The following TRPM2 variants were observed in gnomAD, a reference collection of about 807,000 sequenced individuals.
TRPM2 encodes estrogen-responsive element-associated gene 1 protein.
TRPM2 carries 161 observed loss-of-function variants against 174.0 expected under a neutral mutation model. That is an observed-to-expected ratio of 0.93 (90% CI 0.81 to 1.05). The LOEUF is 1.05. Ranked by LOEUF, TRPM2 falls within the 50% of genes least tolerant of loss-of-function variation. The probability of loss-of-function intolerance (pLI) is 0.00; values close to 1 mark genes in which losing one functional copy is unlikely to be tolerated. For missense variants in TRPM2, 2,057 were observed against 2,038.0 expected, an observed-to-expected ratio of 1.01 and a Z score of -0.18; for synonymous variants, 954 against 861.3, an observed-to-expected ratio of 1.11 and a Z score of -1.88.
Position 44,442,010 on chromosome 21 carries a change from G to A in TRPM2, c.*193G>A. 1 of 826,268 alleles carries A rather than the reference G, an allele frequency of 1.2e-6. No homozygotes were observed. 51.2% of individuals were successfully genotyped at this position (826,268 alleles called of 1,614,324 possible). ...CTCATGAACTGGAAGGGGTCAAGGTGACCCGGGAGGAGAGCTCAAGACAGG... is the reference window on the plus strand; with the variant it reads ...CTCATGAACTGGAAGGGGTCAAGGTAACCCGGGAGGAGAGCTCAAGACAGG... On this transcript the variant is annotated 3_prime_UTR_variant, in exon 32 of 32. Coordinates refer to ENST00000397928, the MANE Select transcript of TRPM2 (RefSeq NM_003307.4).
In TRPM2 at chr21:44,423,640, T is replaced by C; in HGVS notation, c.3462-5T>C. The C allele has an allele frequency of 1.2e-6, 2 of 1,611,790 alleles. No individual in the cohort carries two copies. Among genetic ancestry groups the C allele is most frequent in the Non-Finnish European group, 1.7e-6 (2 of 1,179,466 alleles). On this transcript the variant is annotated splice_polypyrimidine_tract_variant and splice_region_variant and intron_variant, in intron 22 of 31. Coordinates refer to ENST00000397928, the MANE Select transcript of TRPM2 (RefSeq NM_003307.4). ...TGCGTCCAGCTCAGCTGCTTCCTCT[T>C]TCAGGGTTGACGCCATGGTGGACCT...
chr21:44,402,196 C>T (rs1311885141), intron 16 of TRPM2, among the ~76,000 whole-genome samples: 4 of 152,182 alleles, frequency 2.6e-5, no homozygotes, highest in African/African-American at 9.6e-5. Flanking sequence ...ATGAGTATGT[C>T]CCTTCCCCCA....
chr21:44,370,370 C>G (rs763981664), intron 5 of TRPM2, among the ~76,000 whole-genome samples: 2 of 152,180 alleles, frequency 1.3e-5, no homozygotes, highest in Non-Finnish European at 1.5e-5. Flanking sequence ...AGGTTGAGGA[C>G]GGAGCACTCC....
Position 44,424,785 on chromosome 21 carries a change from GGCA to G in TRPM2, c.3550-65_3550-63del. 5 of 1,065,396 alleles carry G rather than the reference GGCA, an allele frequency of 4.7e-6. No individual in the cohort carries two copies. In the South Asian group the frequency reaches 5.6e-5, roughly 12 times the overall value. The allele number at this position is 1,065,396 out of a possible 1,614,324, so 66.0% of individuals were successfully genotyped here. On this transcript the variant is annotated intron_variant, in intron 23 of 31. Coordinates refer to ENST00000397928, the MANE Select transcript of TRPM2 (RefSeq NM_003307.4). ...TGGCTGGGGGAGTGAAGTCTCGGTG[GGCA>G]GTGGGGTGTGTACCATGCGTGTGGG...
intron 3 of TRPM2, among the ~76,000 whole-genome samples, chr21:44,365,510 T>A (rs1775416321): frequency 6.6e-6 from 1 of 152,198 alleles, no homozygotes; most frequent in Non-Finnish European, 1.5e-5. Flanking sequence ...GACCCCTCTG[T>A]CGCTGTGGTC....
chr21:44,418,460 A>C lies in TRPM2; in HGVS notation c.3366A>C (p.Leu1122=), dbSNP rs2050394555. The part of the protein sequence containing the change: ...KLEKNEEAAL[L]SWEIYLKENY... Reference sequence around the variant, plus strand: ...AGAAGAACGAGGAGGCGGCCCTGCTATCCTGGGAGATCTACCTGAAGGAGA... The same window carrying C: ...AGAAGAACGAGGAGGCGGCCCTGCTCTCCTGGGAGATCTACCTGAAGGAGA... The change falls in exon 22 of 32, where the codon CTA becomes CTC. Residue 1122 remains leucine, a synonymous_variant. Coordinates refer to ENST00000397928, the MANE Select transcript of TRPM2 (RefSeq NM_003307.4). 1 of 1,614,058 alleles carries C rather than the reference A, an allele frequency of 6.2e-7. No homozygotes were observed. The highest frequency in any genetic ancestry group is 8.5e-7 in the Non-Finnish European group (1 of 1,179,992).
intron 16 of TRPM2, among the ~76,000 whole-genome samples, chr21:44,403,963 TACAC>T (rs56651556): frequency 0.71 from 107,397 of 150,812 alleles, 38,545 homozygotes; most frequent in East Asian, 0.77. Flanking sequence ...CACACATACA[TACAC>T]ACATGCACAT....
intron 9 of TRPM2, among the ~76,000 whole-genome samples, chr21:44,388,043 A>G (rs1268356697): frequency 6.6e-6 from 1 of 152,184 alleles, no homozygotes; most frequent in African/African-American, 2.4e-5. Flanking sequence ...CACTCCTCAG[A>G]TACATATGCC....
chr21:44,435,450 C>A (rs1017028193), intron 28 of TRPM2, among the ~76,000 whole-genome samples: 2 of 152,018 alleles, frequency 1.3e-5, no homozygotes, highest in African/African-American at 4.8e-5. Context: ...GACCCATCCC[C>A]TCTCCCGGGG....
In TRPM2 at chr21:44,395,459, CATGTG is replaced by C; in HGVS notation, c.1842_1846del (p.Val615LeufsTer8). ...GTCCCTCTACAAGCGTTCCTCAGGC[CATGTG>C]ACCTTCACCATGGACCCCATCCGTG... is the stretch of plus-strand genomic sequence containing the variant. On this transcript the variant is annotated frameshift_variant, in exon 12 of 32. Transcript: ENST00000397928. LOFTEE classifies it high-confidence loss of function. The C allele has an allele frequency of 6.2e-7, 1 of 1,613,006 alleles. No homozygotes were observed. The highest frequency in any genetic ancestry group is 8.5e-7 in the Non-Finnish European group (1 of 1,179,972).
chr21:44,355,232 C>T (rs549398689), intron 2 of TRPM2, among the ~76,000 whole-genome samples: 7 of 152,022 alleles, frequency 4.6e-5, no homozygotes, highest in Admixed American at 6.5e-5. Context: ...ACAGAGCCCA[C>T]GACTCAGGTG....
Position 44,427,096 on chromosome 21 carries a change from A to G in TRPM2, c.3959A>G (p.Gln1320Arg), listed in dbSNP as rs1044915804. 6.3e-7 allele frequency: 1 copy of G among 1,596,868 alleles called. No individual in the cohort carries two copies. Among genetic ancestry groups the G allele is most frequent in the East Asian group, 2.3e-5 (1 of 44,226 alleles). Residue 1320 changes from glutamine (Q) to arginine (R), a missense_variant, in exon 27 of 32, where the codon CAG becomes CGG. Coordinates refer to ENST00000397928, the MANE Select transcript of TRPM2 (RefSeq NM_003307.4). ...AGCTTCCACGGGCCGTACACAGTGC[A>G]GGCCGGGTTGCCCCTGTGAGTGTGC... Reference protein sequence around the residue: ...RRSFHGPYTVQAGLPLNPMGR... With the variant: ...RRSFHGPYTVRAGLPLNPMGR...
At position 44,376,824 on chromosome 21, in the gene TRPM2, G is replaced by T. The variant is rs1482960424; in HGVS notation, c.952+811G>T. Among the ~76,000 whole-genome samples the T allele has an allele frequency of 6.6e-6, 1 of 152,216 alleles. No individual in the cohort carries two copies. Among genetic ancestry groups the T allele is most frequent in the Admixed American group, 6.5e-5 (1 of 15,290 alleles). ...CCCCTGGAGGGTTCCTCACCAGCTT[G>T]TGGGCCCCAGCCCCAGGGTCCAACT... On this transcript the variant is annotated intron_variant, in intron 6 of 31. Coordinates refer to ENST00000397928, the MANE Select transcript of TRPM2 (RefSeq NM_003307.4). This position sits in a 1 kb window ranked among gnomAD's most constrained non-coding sequence, Gnocchi z 4.2.
At chr21:44,353,989 C>G in intron 1 of TRPM2, 124 bp downstream of exon 1, 1 of 1,158,484 alleles carries the variant, frequency 8.6e-7, no homozygotes, top group Non-Finnish European at 1.2e-6. Context: ...GGGGCTCCTG[C>G]CCAACCATAC....
chr21:44,402,117 G>A (rs1186469823), intron 16 of TRPM2, among the ~76,000 whole-genome samples: 2 of 152,002 alleles, frequency 1.3e-5, no homozygotes, highest in African/African-American at 2.4e-5. Context: ...GCTTTCCCTC[G>A]GCCCAGGCAT....
intron 8 of TRPM2, among the ~76,000 whole-genome samples, chr21:44,379,705 G>A (rs17004644): frequency 0.023 from 3,552 of 152,334 alleles, 136 homozygotes; most frequent in African/African-American, 0.081. Flanking sequence ...TCCAGAGGGG[G>A]TCCGTTGTGA....
rs775687455 is a variant in TRPM2, at chr21:44,382,747, G to T, written c.1245G>T (p.Leu415=). The T allele has an allele frequency of 6.8e-6, 11 of 1,614,014 alleles. No homozygotes were observed. In the African/African-American group the frequency reaches 1.3e-4, roughly 20 times the overall value. Reference sequence around the variant, plus strand: ...AAGATATCGTCCGGAGGCGGCAGCTGCTGACTGTCTTCCGGGAAGGCAAGG... The same window carrying T: ...AAGATATCGTCCGGAGGCGGCAGCTTCTGACTGTCTTCCGGGAAGGCAAGG... ...KIQDIVRRRQ[L]LTVFREGKDG... is the part of the protein sequence containing the mutation. The change falls in exon 9 of 32, where the codon CTG becomes CTT. Residue 415 remains leucine (L), a synonymous_variant. Transcript: ENST00000397928.
chr21:44,439,116 T>A lies in TRPM2; in HGVS notation c.4217T>A (p.Leu1406His), dbSNP rs945436664. 1.2e-6 allele frequency: 2 copies of A among 1,613,606 alleles called. No homozygotes were observed. Among genetic ancestry groups the A allele is most frequent in the Admixed American group, 3.3e-5 (2 of 59,988 alleles). Residue 1406 changes from leucine (L) to histidine (H), a missense_variant, in exon 30 of 32, where the codon CTC becomes CAC. Coordinates refer to ENST00000397928, the MANE Select transcript of TRPM2 (RefSeq NM_003307.4). This position sits in a 1 kb window ranked among gnomAD's most constrained non-coding sequence, Gnocchi z 5.1. ...EMLPRKLKRI[L>H]RQEHWPSFEN... ...CTACCTCGGAAGCTGAAGCGGATCC[T>A]CCGGCAGGAGCACTGGCCGTCTTTT...
At chr21:44,352,056 G>A (rs1245150070), upstream of TRPM2, among the ~76,000 whole-genome samples, 1 of 152,244 alleles carries the variant, frequency 6.6e-6, no homozygotes, top group Non-Finnish European at 1.5e-5. Context: ...GCCACCTGCA[G>A]TCTGGGTCCC....
Sources: gnomAD v4.1 joint callset for allele counts (sites outside exome capture counted in the v4.1 genomes callset) on GRCh38, gnomAD v4.1.1 for gene constraint, Gnocchi (gnomAD v3.1) non-coding constraint, MANE v1.5 for transcripts, NCBI Gene and HGNC (gene_info 2026-07-23, HGNC 2026-07-21) for gene names.